KPNA5: variants seen among roughly 807,000 people sequenced by gnomAD.
KPNA5 encodes karyopherin subunit alpha 5, also known as importin subunit alpha-6.
In KPNA5, 46 loss-of-function variants were observed where a neutral mutation model predicts 71.3. The ratio of observed to expected loss-of-function variants is 0.65; its 90% CI spans 0.51 to 0.83. KPNA5 has a LOEUF of 0.83. Ranked by LOEUF, KPNA5 falls within the 40% of genes least tolerant of loss-of-function variation. KPNA5 has a pLI of 0.00. For missense variants in KPNA5, 547 were observed against 628.3 expected (o/e 0.87, Z 1.38); for synonymous variants, 207 against 201.4 (o/e 1.03, Z -0.24).
chr6:116,730,489 C>T (rs1779443135), intron 13 of KPNA5, among the ~76,000 whole-genome samples: 1 of 152,100 alleles, frequency 6.6e-6, no homozygotes, highest in East Asian at 1.9e-4. Context: ...TTTATGTATA[C>T]CAAAATAAGC....
intron 9 of KPNA5, 82 bp downstream of exon 9, chr6:116,722,371 C>T: frequency 3.7e-6 from 4 of 1,081,788 alleles, no homozygotes; most frequent in Middle Eastern, 2.2e-4. Flanking sequence ...GTAAATATCT[C>T]AAGAGTCACT....
At chr6:116,687,562 C>A (rs1298239556) in intron 1 of KPNA5, among the ~76,000 whole-genome samples, 2 of 152,146 alleles carry the variant, frequency 1.3e-5, no homozygotes, top group East Asian at 3.9e-4. Flanking sequence ...CCTAAAATAA[C>A]GGAATTCATT....
chr6:116,726,732 G>C, intron 12 of KPNA5, 110 bp downstream of exon 12: 1 of 995,276 alleles, frequency 1.0e-6, no homozygotes, highest in Non-Finnish European at 1.4e-6. Flanking sequence ...AAGTCAGTTT[G>C]ATAATATGAA....
intron 4 of KPNA5, among the ~76,000 whole-genome samples, chr6:116,697,699 T>G (rs1778078339): frequency 6.6e-6 from 1 of 152,028 alleles, no homozygotes; most frequent in Non-Finnish European, 1.5e-5. Flanking sequence ...GAAATGAGTA[T>G]GCTCTTTTTC....
chr6:116,722,406 A>G lies in KPNA5; in HGVS notation c.920+117A>G, dbSNP rs1026869527. On this transcript the variant is annotated intron_variant, in intron 9 of 13. Coordinates refer to ENST00000368564, the MANE Select transcript of KPNA5 (RefSeq NM_001366306.2). ...TGTCTTCAGGGAAAATTAAAAAGCT[A>G]CTGACCCAACACTTAACAGAATAGC... 6 of 836,784 alleles carry G rather than the reference A, an allele frequency of 7.2e-6. No homozygotes were observed. In the South Asian group the frequency reaches 1.6e-4, roughly 22 times the overall value. The allele number at this position is 836,784 out of a possible 1,614,324, so 51.8% of individuals were successfully genotyped here.
intron 13 of KPNA5, among the ~76,000 whole-genome samples, chr6:116,730,979 A>G (rs931162735): frequency 8.6e-5 from 13 of 151,938 alleles, no homozygotes; most frequent in Non-Finnish European, 1.2e-4. Context: ...TTAATAAAAC[A>G]TACCATGTTC....
In KPNA5 at chr6:116,738,300, G is replaced by C. The variant is rs905640325; in HGVS notation, c.*5977G>C. The C allele has an allele frequency of 2.0e-5, 3 of 152,134 alleles. No individual in the cohort carries two copies. The highest frequency in any genetic ancestry group is 4.4e-5 in the Non-Finnish European group (3 of 68,040). The allele number at this position is 152,134 out of a possible 1,614,324, so 9.4% of individuals were successfully genotyped here. ...CATAAACCCTCCCAAGACTAAACCA[G>C]GAAGAAGTTGAATCTCTGAATAGAC... On this transcript the variant is annotated 3_prime_UTR_variant, in exon 14 of 14. Transcript: ENST00000368564.
intron 7 of KPNA5, among the ~76,000 whole-genome samples, chr6:116,714,010 CTT>C (rs771896448): frequency 6.6e-6 from 1 of 152,122 alleles, no homozygotes; most frequent in Non-Finnish European, 1.5e-5. Context: ...AATTTAAAAT[CTT>C]TGCATAGTAA....
chr6:116,682,025 G>C (rs1279274461), intron 1 of KPNA5, among the ~76,000 whole-genome samples: 1 of 152,186 alleles, frequency 6.6e-6, no homozygotes, highest in African/African-American at 2.4e-5. Context: ...CCAGCACTTT[G>C]GGAGGCGGAG....
chr6:116,710,894 T>TATATATATATATATATATATA (rs57807333), intron 7 of KPNA5, among the ~76,000 whole-genome samples: 101 of 79,230 alleles, frequency 1.3e-3, no homozygotes, highest in Admixed American at 1.5e-3. Context: ...TATATATATA[T>TATATATATATATATATATATA]TTTTTTTTTT....
In KPNA5 at chr6:116,703,275, T is replaced by A. The variant is rs1420541090; in HGVS notation, c.567+1125T>A. Among the ~76,000 whole-genome samples, 4 of 152,134 alleles carry A rather than the reference T, an allele frequency of 2.6e-5. No individual in the cohort carries two copies. The East Asian group carries it at 7.7e-4, about 29-fold the overall frequency. ...TGTCAAAAGATAAATTTTTTTTTTT[T>A]TTTTGAGATGAAGTCTTGCTCTCGT... On this transcript the variant is annotated intron_variant, in intron 6 of 13. Coordinates refer to ENST00000368564, the MANE Select transcript of KPNA5 (RefSeq NM_001366306.2).
chr6:116,695,378 A>G (rs148469038), intron 4 of KPNA5, among the ~76,000 whole-genome samples: 149 of 152,192 alleles, frequency 9.8e-4, no homozygotes, highest in African/African-American at 3.5e-3. Context: ...CCAATTTTAT[A>G]TTGAGTTAAT....
At chr6:116,698,966 G>GT (rs1265434499) in intron 5 of KPNA5, among the ~76,000 whole-genome samples, 168 bp downstream of exon 5, 2 of 151,952 alleles carry the variant, frequency 1.3e-5, no homozygotes, top group Non-Finnish European at 2.9e-5. Flanking sequence ...TTCAGTGCTA[G>GT]TTTTTTTCTA....
intron 7 of KPNA5, among the ~76,000 whole-genome samples, chr6:116,710,652 T>G (rs958179913): frequency 1.3e-5 from 2 of 151,862 alleles, no homozygotes; most frequent in Non-Finnish European, 2.9e-5. Context: ...GGACTTTTCC[T>G]TTTTGGGAAG....
At chr6:116,696,089 G>A (rs762994696) in intron 4 of KPNA5, among the ~76,000 whole-genome samples, 3 of 152,040 alleles carry the variant, frequency 2.0e-5, no homozygotes, top group African/African-American at 7.2e-5. Flanking sequence ...TCTGGGTATC[G>A]AATTCTTTGA....
intron 5 of KPNA5, among the ~76,000 whole-genome samples, chr6:116,699,583 G>A (rs1247114367): frequency 6.6e-6 from 1 of 152,154 alleles, no homozygotes; most frequent in Non-Finnish European, 1.5e-5. Flanking sequence ...CGTTTTAGGT[G>A]TAAGTAAAGG....
intron 4 of KPNA5, among the ~76,000 whole-genome samples, chr6:116,693,786 G>C (rs531608227): frequency 6.6e-6 from 1 of 151,960 alleles, no homozygotes; most frequent in African/African-American, 2.4e-5. Flanking sequence ...ATTGCTTTTG[G>C]TGTTTTAGAC....
In KPNA5 at chr6:116,736,907, T is replaced by C. The variant is rs1779689208; in HGVS notation, c.*4584T>C. The C allele has an allele frequency of 6.6e-6, 1 of 151,976 alleles. No individual in the cohort carries two copies. Among genetic ancestry groups the C allele is most frequent in the Admixed American group, 6.6e-5 (1 of 15,200 alleles). 9.4% of individuals were successfully genotyped at this position (151,976 alleles called of 1,614,324 possible). A position where few individuals can be genotyped will look rare whatever the true frequency, so the allele number is the denominator to read the frequency against. On this transcript the variant is annotated 3_prime_UTR_variant, in exon 14 of 14. Coordinates refer to ENST00000368564, the MANE Select transcript of KPNA5 (RefSeq NM_001366306.2). ...TTTAAAAATTCAATTTGGATCTGTTTTATATCTTCCATTTTTTTTATCATA... is the reference window on the plus strand; with the variant it reads ...TTTAAAAATTCAATTTGGATCTGTTCTATATCTTCCATTTTTTTTATCATA...
intron 6 of KPNA5, among the ~76,000 whole-genome samples, chr6:116,703,665 G>C (rs1672547861): frequency 6.6e-6 from 1 of 151,810 alleles, no homozygotes. Context: ...TATTCCACAA[G>C]GTAGAAAATA....
Sources: gnomAD v4.1 joint callset for allele counts (sites outside exome capture counted in the v4.1 genomes callset) on GRCh38, gnomAD v4.1.1 for gene constraint, MANE v1.5 for transcripts, NCBI Gene and HGNC (gene_info 2026-07-23, HGNC 2026-07-21) for gene names.